Variants in TCF4 observed in about 807,000 individuals in gnomAD.
TCF4 encodes SL3-3 enhancer factor 2.
A neutral mutation model predicts 82.1 loss-of-function variants in TCF4; 3 were observed. The observed-to-expected ratio is 0.04, with a 90% CI of 0.02 to 0.09. The LOEUF is 0.09. Among genes scored for constraint, TCF4 ranks in the 10% least tolerant of loss-of-function variants. The pLI is 1.00. For synonymous variants in TCF4, 276 were observed against 309.6 expected, an observed-to-expected ratio of 0.89 and a Z score of 1.14; for missense variants, 518 against 852.7, an observed-to-expected ratio of 0.61 and a Z score of 4.89.
chr18:55,365,010 C>T (rs534534273), intron 6 of TCF4, among the ~76,000 whole-genome samples: 14 of 150,946 alleles, frequency 9.3e-5, no homozygotes, highest in African/African-American at 1.5e-4. Context: ...AAAAAATTAA[C>T]GGTGTGGTGG....
upstream of TCF4, chr18:55,589,543 A>G: frequency 4.8e-6 from 5 of 1,049,782 alleles, no homozygotes; most frequent in Non-Finnish European, 5.7e-6. Context: ...TTAAAAAAAA[A>G]TCCAACAACT....
chr18:55,479,189 T>C (rs911034373), intron 3 of TCF4: 2 of 152,756 alleles, frequency 1.3e-5, no homozygotes, highest in Non-Finnish European at 2.9e-5. Flanking sequence ...AAGTTATTAT[T>C]TTCTCCTCAG....
intron 3 of TCF4, among the ~76,000 whole-genome samples, chr18:55,549,238 C>T (rs755484987): frequency 6.6e-6 from 1 of 151,970 alleles, no homozygotes; most frequent in African/African-American, 2.4e-5. Flanking sequence ...GAGGCGGAGG[C>T]TGCAGTAAGC....
At chr18:55,400,962 C>T in intron 6 of TCF4, 1 of 1,288,966 alleles carries the variant, frequency 7.8e-7, no homozygotes. Context: ...ATGTAGTAAA[C>T]AGAAGAAAAC....
At chr18:55,510,564 T>C (rs1187383959) in intron 3 of TCF4, 2 of 1,479,516 alleles carry the variant, frequency 1.4e-6, no homozygotes, top group Admixed American at 4.3e-5. Flanking sequence ...AAATACAAGT[T>C]ACATAAATAT....
At chr18:55,279,732 G>A in intron 8 of TCF4, 76 bp from the exon 9 acceptor site, 6 of 1,601,294 alleles carry the variant, frequency 3.7e-6, no homozygotes, top group Non-Finnish European at 5.1e-6. Flanking sequence ...TATATAAGAA[G>A]TAGGCAGAAA....
At chr18:55,626,585 C>A (rs548510942) in intron 2 of TCF4, among the ~76,000 whole-genome samples, 1 of 152,276 alleles carries the variant, frequency 6.6e-6, no homozygotes, top group South Asian at 2.1e-4. Flanking sequence ...TAGCATCACT[C>A]TGTTTCTTCT....
rs113263064 is a variant in TCF4 at position 55,367,522 on chromosome 18, G to A, written c.370-16519C>T. On this transcript the variant is annotated intron_variant, in intron 6 of 19. Coordinates refer to ENST00000354452, the MANE Select transcript of TCF4 (RefSeq NM_001083962.2). ...GCCCCTTCACCAATGCAATGTAGGA[G>A]TGCCTATGATGTCTTTAGAGGACAT... Among the ~76,000 whole-genome samples, 857 of 152,310 alleles carry A rather than the reference G, an allele frequency of 5.6e-3. 7 individuals are homozygous for A. The highest frequency in any genetic ancestry group is 0.02 in the African/African-American group (812 of 41,558).
At chr18:55,238,312 A>G (rs2050158956) in intron 15 of TCF4, among the ~76,000 whole-genome samples, 2 of 152,254 alleles carry the variant, frequency 1.3e-5, no homozygotes, top group Admixed American at 6.5e-5. Flanking sequence ...AGTTTTAGTG[A>G]TATCTATGCT....
At chr18:55,480,579 C>T (rs895670117) in intron 3 of TCF4, among the ~76,000 whole-genome samples, 4 of 152,108 alleles carry the variant, frequency 2.6e-5, no homozygotes, top group Admixed American at 2.0e-4. Flanking sequence ...TTCAAAGGGG[C>T]CTAACAGAAA....
At chr18:55,612,450 T>C (rs2097707989) in intron 2 of TCF4, among the ~76,000 whole-genome samples, 1 of 152,128 alleles carries the variant, frequency 6.6e-6, no homozygotes, top group Non-Finnish European at 1.5e-5. Flanking sequence ...ATGTTGAGCC[T>C]CAGTTTTATC....
In TCF4 at chr18:55,629,584, C is replaced by T. The variant is rs868691796; in HGVS notation, c.286+1714G>A. Among the ~76,000 whole-genome samples the T allele has an allele frequency of 7.2e-5, 11 of 152,146 alleles. No homozygotes were observed. In the South Asian group the frequency reaches 1.9e-3, roughly 26 times the overall value. On this transcript the variant is annotated intron_variant, in intron 2 of 20. Transcript: ENST00000398339. ...ATAAGAAGATTGCTGAAACTCAGAA[C>T]CCGGGTGAGTGAACGCCTGTGTGCA...
intron 8 of TCF4, among the ~76,000 whole-genome samples, chr18:55,344,038 T>C (rs1329954724): frequency 6.6e-6 from 1 of 152,214 alleles, no homozygotes; most frequent in East Asian, 1.9e-4. Context: ...GTATGGATTC[T>C]GCCTTAAGAA....
chr18:55,479,374 C>T (rs1049369951), intron 3 of TCF4: 2 of 154,278 alleles, frequency 1.3e-5, no homozygotes, highest in Non-Finnish European at 1.5e-5. Flanking sequence ...CCTCTGAAAA[C>T]TAGTGGTCAC....
At chr18:55,507,910 CAAGT>C (rs1339778628) in intron 3 of TCF4, among the ~76,000 whole-genome samples, 1 of 152,112 alleles carries the variant, frequency 6.6e-6, no homozygotes, top group Non-Finnish European at 1.5e-5. Context: ...GGCATTCACT[CAAGT>C]AAGGTGGAGA....
chr18:55,511,383 T>C (rs2096827889), intron 3 of TCF4, among the ~76,000 whole-genome samples: 1 of 145,618 alleles, frequency 6.9e-6, no homozygotes, highest in Admixed American at 6.8e-5. Context: ...CTGAAAATAC[T>C]TACCTCTACT....
intron 2 of TCF4, among the ~76,000 whole-genome samples, chr18:55,603,232 C>A (rs2097698985): frequency 6.6e-6 from 1 of 152,174 alleles, no homozygotes. Context: ...CCCGTAGTCA[C>A]CCTCTGTGCC....
At chr18:55,479,756 C>A (rs1413233562) in intron 3 of TCF4, among the ~76,000 whole-genome samples, 1 of 152,162 alleles carries the variant, frequency 6.6e-6, no homozygotes, top group Non-Finnish European at 1.5e-5. Flanking sequence ...AGGGTAATAA[C>A]CCTCTGCAGT....
At position 55,361,347 on chromosome 18, in the gene TCF4, T is replaced by C. The variant is rs182036599; in HGVS notation, c.370-10344A>G. 3.9e-5 allele frequency among the ~76,000 whole-genome samples: 6 copies of C among 152,266 alleles called. No individual in the cohort carries two copies. The East Asian group carries it at 1.2e-3, about 29-fold the overall frequency. ...CATTTCTCCACTAAGATGCACCGAA[T>C]ACCTACTATGGGCCAGCCACTGTTC... On this transcript the variant is annotated intron_variant, in intron 6 of 19. Coordinates refer to ENST00000354452, the MANE Select transcript of TCF4 (RefSeq NM_001083962.2).
Sources: gnomAD v4.1 joint callset for allele counts (sites outside exome capture counted in the v4.1 genomes callset) on GRCh38, gnomAD v4.1.1 for gene constraint, MANE v1.5 for transcripts, NCBI Gene and HGNC (gene_info 2026-07-23, HGNC 2026-07-21) for gene names.